Variants in EML1 observed in about 807,000 individuals in gnomAD.
EML1 encodes the protein EMAP like 1, also known as echinoderm microtubule-associated protein-like 1.
Under a neutral mutation model 110.4 loss-of-function variants are expected in EML1, and 27 were observed. The ratio of observed to expected loss-of-function variants is 0.24; its 90% CI spans 0.18 to 0.34. The LOEUF (loss-of-function observed/expected upper bound fraction) is 0.34. Among genes scored for constraint, EML1 ranks in the 10% least tolerant of loss-of-function variants. The pLI is 1.00. For missense variants in EML1, 741 were observed against 1,030.9 expected (o/e 0.72, Z 3.85); for synonymous variants, 344 against 385.8 (o/e 0.89, Z 1.27).
In EML1 at chr14:99,777,621, C is replaced by T. The variant is rs549019384; in HGVS notation, c.-27+3608C>T. On this transcript the variant is annotated intron_variant, in intron 1 of 22. Transcript: ENST00000327921. The stretch of plus-strand genomic sequence containing the variant: ...TTTTAGTAGAGACGGGGTTTCACCA[C>T]GTTGGCCAGGCTTGTCTCAAACTCC... Among the ~76,000 whole-genome samples, 11 of 152,120 alleles carry T rather than the reference C, an allele frequency of 7.2e-5. No individual in the cohort carries two copies. In the East Asian group the frequency reaches 1.6e-3, roughly 21 times the overall value.
At chr14:99,826,105 A>ATTGTTT (rs2058347497) in intron 1 of EML1, among the ~76,000 whole-genome samples, 1 of 79,962 alleles carries the variant, frequency 1.3e-5, no homozygotes, top group African/African-American at 5.1e-5. Flanking sequence ...CTGTGCATTG[A>ATTGTTT]TTTTTTTTTT....
Position 99,907,510 on chromosome 14 carries a change from G to A in EML1, c.1009-128G>A, listed in dbSNP as rs906756729. On this transcript the variant is annotated intron_variant, in intron 9 of 21. Coordinates refer to ENST00000262233, the MANE Select transcript of EML1 (RefSeq NM_004434.3). ...AAAGAAAGCAGGTCTCAAAAGCAAT[G>A]GATGAGTATTCTTTAACTACAATGT... 16 of 776,994 alleles carry A rather than the reference G, an allele frequency of 2.1e-5. 1 individual carries two copies. Among genetic ancestry groups the A allele is most frequent in the Non-Finnish European group, 3.3e-5 (16 of 487,424 alleles). The allele number at this position is 776,994 out of a possible 1,614,324, so 48.1% of individuals were successfully genotyped here.
intron 1 of EML1, among the ~76,000 whole-genome samples, chr14:99,775,758 T>G (rs1284139542): frequency 6.6e-6 from 1 of 152,198 alleles, no homozygotes; most frequent in African/African-American, 2.4e-5. Flanking sequence ...TTTGCACCAA[T>G]TTGAAAGGCG....
intron 1 of EML1, among the ~76,000 whole-genome samples, chr14:99,817,754 A>G (rs931991995): frequency 6.6e-6 from 1 of 152,206 alleles, no homozygotes; most frequent in Non-Finnish European, 1.5e-5. Context: ...TGAACGGCAC[A>G]GTCCCTGACT....
chr14:99,822,944 A>T (rs1049974635), intron 1 of EML1, among the ~76,000 whole-genome samples: 1 of 152,136 alleles, frequency 6.6e-6, no homozygotes, highest in Non-Finnish European at 1.5e-5. Flanking sequence ...TTGCCCCACC[A>T]GACATGCTGT....
chr14:99,870,932 C>A (rs1316173946), intron 3 of EML1, among the ~76,000 whole-genome samples: 1 of 152,104 alleles, frequency 6.6e-6, no homozygotes, highest in Non-Finnish European at 1.5e-5. Flanking sequence ...GGAGTAATTT[C>A]AACTGTCAAG....
At chr14:99,875,405 G>A (rs533438154) in intron 3 of EML1, among the ~76,000 whole-genome samples, 4 of 152,284 alleles carry the variant, frequency 2.6e-5, no homozygotes, top group South Asian at 2.1e-4. Flanking sequence ...TGCCTTAAAC[G>A]TTAACTGTGG....
At chr14:99,898,189 C>T (rs368714818) in intron 7 of EML1, 44 bp from the exon 8 acceptor site, 136 of 1,505,700 alleles carry the variant, frequency 9.0e-5, no homozygotes, top group Non-Finnish European at 1.1e-4. Flanking sequence ...AAAAGTAAAA[C>T]TTACCTGCAA....
In EML1 at chr14:99,784,725, G is replaced by A. The variant is rs971375459; in HGVS notation, c.-27+10712G>A. On this transcript the variant is annotated intron_variant, in intron 1 of 22. Coordinates refer to the EML1 transcript ENST00000327921. This position sits in a 1 kb window ranked among gnomAD's most constrained non-coding sequence, Gnocchi z 4.5. ...TCCCCCATTCCAGCCCATCCAGGCCGGATGACACACGGGAAAACAAGGAGC... is the reference window on the plus strand; with the variant it reads ...TCCCCCATTCCAGCCCATCCAGGCCAGATGACACACGGGAAAACAAGGAGC... Among the ~76,000 whole-genome samples the A allele has an allele frequency of 6.6e-6, 1 of 152,348 alleles. No homozygotes were observed. The highest frequency in any genetic ancestry group is 2.4e-5 in the African/African-American group (1 of 41,582).
At chr14:99,826,924 T>G (rs1443509971) in intron 1 of EML1, among the ~76,000 whole-genome samples, 4 of 152,156 alleles carry the variant, frequency 2.6e-5, no homozygotes. Context: ...AGGATGGAGC[T>G]CAGCACATGG....
intron 1 of EML1, among the ~76,000 whole-genome samples, chr14:99,801,356 C>T (rs2057875035): frequency 6.6e-6 from 1 of 152,176 alleles, no homozygotes; most frequent in Admixed American, 6.5e-5. Context: ...TGGCTCATGC[C>T]TGTAATCCCA....
chr14:99,833,484 A>C (rs1301547324), intron 1 of EML1, among the ~76,000 whole-genome samples: 1 of 152,070 alleles, frequency 6.6e-6, no homozygotes, highest in Non-Finnish European at 1.5e-5. Flanking sequence ...TTCCATGTGC[A>C]TTTTGGGATC....
chr14:99,806,887 C>G (rs1281522251), intron 1 of EML1, among the ~76,000 whole-genome samples: 1 of 152,176 alleles, frequency 6.6e-6, no homozygotes, highest in Non-Finnish European at 1.5e-5. Flanking sequence ...AATTTCATGA[C>G]ATATGCCTTC....
chr14:99,898,927 A>G (rs986474562), intron 8 of EML1, among the ~76,000 whole-genome samples: 2 of 152,136 alleles, frequency 1.3e-5, no homozygotes, highest in Non-Finnish European at 2.9e-5. Flanking sequence ...AGTTAAAATT[A>G]TAATAATAAT....
chr14:99,859,939 A>G (rs1291796170), intron 2 of EML1, among the ~76,000 whole-genome samples: 1 of 152,238 alleles, frequency 6.6e-6, no homozygotes, highest in Non-Finnish European at 1.5e-5. Context: ...TGTGCCGGGC[A>G]CTGTACTAGA....
At chr14:99,875,056 G>C in intron 3 of EML1, 1 of 1,494,886 alleles carries the variant, frequency 6.7e-7, no homozygotes, top group Non-Finnish European at 9.3e-7. Context: ...CTGTTTTAAC[G>C]TAGTAGCTTC....
At chr14:99,825,435 G>C (rs1397459672) in intron 1 of EML1, among the ~76,000 whole-genome samples, 1 of 152,110 alleles carries the variant, frequency 6.6e-6, no homozygotes, top group African/African-American at 2.4e-5. Context: ...CCCGGTAGTG[G>C]GATTGTGGGT....
At chr14:99,798,227 G>A (rs1384865234) in intron 1 of EML1, among the ~76,000 whole-genome samples, 3 of 152,020 alleles carry the variant, frequency 2.0e-5, no homozygotes, top group Admixed American at 2.0e-4. Context: ...CTCTTAAGAC[G>A]TAATTTTAGA....
chr14:99,738,021 G>A (rs988968958), intron 1 of EML1, among the ~76,000 whole-genome samples: 3 of 152,334 alleles, frequency 2.0e-5, no homozygotes, highest in Non-Finnish European at 2.9e-5. Context: ...TGGAAGGGGG[G>A]AGCTTGACTT....
Sources: gnomAD v4.1 joint callset for allele counts (sites outside exome capture counted in the v4.1 genomes callset) on GRCh38, gnomAD v4.1.1 for gene constraint, Gnocchi (gnomAD v3.1) non-coding constraint, MANE v1.5 for transcripts, NCBI Gene and HGNC (gene_info 2026-07-23, HGNC 2026-07-21) for gene names.